Variants in DESI2 observed in about 807,000 individuals in gnomAD.
The protein encoded by DESI2 is deubiquitinase DESI2.
DESI2 carries 10 observed loss-of-function variants against 24.1 expected under a neutral mutation model. The observed-to-expected ratio is 0.41, with a 90% CI of 0.26 to 0.70. The LOEUF (loss-of-function observed/expected upper bound fraction) is 0.70. Ranked by LOEUF, DESI2 falls within the 30% of genes least tolerant of loss-of-function variation. The pLI is 0.29. For synonymous variants in DESI2, 71 were observed against 87.7 expected (o/e 0.81, Z 1.06); for missense variants, 122 against 234.9 (o/e 0.52, Z 3.14).
intron 4 of DESI2, among the ~76,000 whole-genome samples, chr1:244,701,271 C>T (rs375063065): frequency 1.4e-4 from 17 of 125,518 alleles, no homozygotes; most frequent in African/African-American, 2.3e-4. Context: ...ATATGTGACT[C>T]GTGGATCATC....
At chr1:244,668,883 CTG>C (rs1278040741) in intron 1 of DESI2, among the ~76,000 whole-genome samples, 1 of 152,110 alleles carries the variant, frequency 6.6e-6, no homozygotes, top group Non-Finnish European at 1.5e-5. Flanking sequence ...CCAAAAGTAA[CTG>C]TACTTATTTT....
At chr1:244,700,770 C>T (rs1011239999) in intron 4 of DESI2, among the ~76,000 whole-genome samples, 3 of 152,118 alleles carry the variant, frequency 2.0e-5, no homozygotes, top group Non-Finnish European at 4.4e-5. Context: ...TTCTCAGCAA[C>T]AAGAAACATA....
Position 244,707,969 on chromosome 1 carries a change from A to G in DESI2, c.*2180A>G, listed in dbSNP as rs1332787922. The G allele has an allele frequency of 2.0e-5, 3 of 152,238 alleles. No homozygotes were observed. Among genetic ancestry groups the G allele is most frequent in the Non-Finnish European group, 2.9e-5 (2 of 68,042 alleles). The allele number at this position is 152,238 out of a possible 1,614,324, so 9.4% of individuals were successfully genotyped here. A position where few individuals can be genotyped will look rare whatever the true frequency, so the allele number is the denominator to read the frequency against. On this transcript the variant is annotated 3_prime_UTR_variant, in exon 5 of 5. Coordinates refer to ENST00000302550, the MANE Select transcript of DESI2 (RefSeq NM_016076.5). ...CAGCAGATAAAATTCTGGACGTGAGATTCCTTATAATCTAATTATACCTGA... is the reference window on the plus strand; with the variant it reads ...CAGCAGATAAAATTCTGGACGTGAGGTTCCTTATAATCTAATTATACCTGA...
intron 3 of DESI2, among the ~76,000 whole-genome samples, chr1:244,690,534 C>T (rs1676988319): frequency 6.6e-6 from 1 of 151,832 alleles, no homozygotes; most frequent in Non-Finnish European, 1.5e-5. Flanking sequence ...GGTGAAACCC[C>T]GTCTCTACTA....
At chr1:244,702,796 C>T (rs910444604) in intron 4 of DESI2, among the ~76,000 whole-genome samples, 1 of 152,088 alleles carries the variant, frequency 6.6e-6, no homozygotes, top group Admixed American at 6.6e-5. Flanking sequence ...ACCTGTAGCA[C>T]ATGGATATAT....
intron 4 of DESI2, among the ~76,000 whole-genome samples, chr1:244,696,332 G>T (rs1329445187): frequency 6.6e-6 from 1 of 152,180 alleles, no homozygotes; most frequent in Non-Finnish European, 1.5e-5. Context: ...CCATAGAAAA[G>T]GCAAGATAGC....
chr1:244,704,331 G>C (rs964865925), intron 4 of DESI2, among the ~76,000 whole-genome samples: 14 of 152,176 alleles, frequency 9.2e-5, no homozygotes, highest in African/African-American at 3.1e-4. Flanking sequence ...CAACAAAGTG[G>C]CAGTGGGGCA....
At position 244,689,867 on chromosome 1, in the gene DESI2, A is replaced by G. The variant is rs1003181258; in HGVS notation, c.209+525A>G. Among the ~76,000 whole-genome samples the G allele has an allele frequency of 6.6e-6, 1 of 152,140 alleles. No homozygotes were observed. The highest frequency in any genetic ancestry group is 2.4e-5 in the African/African-American group (1 of 41,424). On this transcript the variant is annotated intron_variant, in intron 3 of 4. Coordinates refer to ENST00000302550, the MANE Select transcript of DESI2 (RefSeq NM_016076.5). The surrounding 1 kb of genome is among the most constrained non-coding windows in gnomAD (Gnocchi z 4.0). ...CAATCTCCTGTTTGAAAGGAGAAAAAGTTTTATTGTGACCTACCTAGCAAA... is the reference window on the plus strand; with the variant it reads ...CAATCTCCTGTTTGAAAGGAGAAAAGGTTTTATTGTGACCTACCTAGCAAA...
chr1:244,668,331 A>G (rs975871681), intron 1 of DESI2, among the ~76,000 whole-genome samples: 1 of 152,238 alleles, frequency 6.6e-6, no homozygotes, highest in African/African-American at 2.4e-5. Flanking sequence ...CATTAGTACC[A>G]ACAAGACCTC....
intron 1 of DESI2, among the ~76,000 whole-genome samples, chr1:244,661,822 G>A (rs1316596300): frequency 6.6e-6 from 1 of 152,126 alleles, no homozygotes; most frequent in Non-Finnish European, 1.5e-5. Flanking sequence ...ATGGACATTT[G>A]GGTTGGTTCC....
intron 1 of DESI2, among the ~76,000 whole-genome samples, chr1:244,677,582 CAG>C (rs1405190236): frequency 1.3e-5 from 2 of 152,018 alleles, no homozygotes; most frequent in African/African-American, 4.8e-5. Flanking sequence ...TTGCCTTGCA[CAG>C]AATATTGAAA....
At chr1:244,668,957 C>T (rs116086710) in intron 1 of DESI2, among the ~76,000 whole-genome samples, 5 of 152,084 alleles carry the variant, frequency 3.3e-5, no homozygotes, top group Non-Finnish European at 5.9e-5. Context: ...TTTTCTCTTC[C>T]CTTTTATCAT....
chr1:244,701,140 G>A (rs866094061), intron 4 of DESI2, among the ~76,000 whole-genome samples: 9 of 139,480 alleles, frequency 6.5e-5, no homozygotes, highest in Middle Eastern at 3.9e-3. Context: ...CAAAAGATGC[G>A]AAATTAGGAG....
intron 1 of DESI2, among the ~76,000 whole-genome samples, chr1:244,665,398 C>G (rs572863835): frequency 6.6e-6 from 1 of 152,226 alleles, no homozygotes; most frequent in African/African-American, 2.4e-5. Context: ...CAGAAATATG[C>G]TGATTCTCTT....
At chr1:244,700,787 C>T (rs1305276001) in intron 4 of DESI2, among the ~76,000 whole-genome samples, 3 of 152,148 alleles carry the variant, frequency 2.0e-5, no homozygotes, top group South Asian at 2.1e-4. Context: ...CATAATTGCT[C>T]ATTTGTTTTA....
chr1:244,667,737 C>G (rs1676095818), intron 1 of DESI2, among the ~76,000 whole-genome samples: 1 of 152,168 alleles, frequency 6.6e-6, no homozygotes, highest in African/African-American at 2.4e-5. Context: ...TTCTTCAGTC[C>G]TGACTCTTAC....
chr1:244,678,889 C>T (rs1474535815), intron 1 of DESI2, among the ~76,000 whole-genome samples: 1 of 152,168 alleles, frequency 6.6e-6, no homozygotes, highest in Non-Finnish European at 1.5e-5. Flanking sequence ...TTATTGGTTG[C>T]AAACTGTATA....
intron 4 of DESI2, chr1:244,694,716 G>C (rs1677151058): frequency 8.7e-6 from 6 of 688,446 alleles, no homozygotes; most frequent in African/African-American, 5.3e-5. Context: ...TGTTGCCTTC[G>C]TCACCTTGCT....
intron 1 of DESI2, among the ~76,000 whole-genome samples, chr1:244,674,058 G>A (rs746123167): frequency 7.4e-6 from 1 of 135,926 alleles, no homozygotes; most frequent in African/African-American, 2.8e-5. Flanking sequence ...ACAGTGGTGC[G>A]ATCTCGGCTC....
Sources: allele counts gnomAD v4.1 joint callset (sites outside exome capture counted in the v4.1 genomes callset), GRCh38; gene constraint gnomAD v4.1.1; non-coding constraint Gnocchi (gnomAD v3.1); transcripts MANE v1.5; gene names NCBI Gene and HGNC (gene_info 2026-07-23, HGNC 2026-07-21).